CORIN: variants seen among roughly 807,000 people sequenced by gnomAD.
CORIN encodes corin, serine peptidase.
CORIN carries 117 observed loss-of-function variants against 125.3 expected under a neutral mutation model. That is an observed-to-expected ratio of 0.93 (90% CI 0.80 to 1.09). CORIN has a LOEUF of 1.09. Ranked by LOEUF, CORIN falls within the 50% of genes least tolerant of loss-of-function variation. The probability of loss-of-function intolerance (pLI) is 0.00; values close to 1 mark genes in which losing one functional copy is unlikely to be tolerated. For synonymous variants in CORIN, 450 were observed against 466.4 expected (o/e 0.96, Z 0.45); for missense variants, 1,253 against 1,306.7 (o/e 0.96, Z 0.63).
chr4:47,628,596 G>T (rs1722681881), intron 16 of CORIN, among the ~76,000 whole-genome samples: 1 of 151,986 alleles, frequency 6.6e-6, no homozygotes, highest in Non-Finnish European at 1.5e-5. Flanking sequence ...CCAAATCTTT[G>T]TACCCTTTGA....
chr4:47,619,650 TTTC>T (rs1481637837), intron 19 of CORIN, among the ~76,000 whole-genome samples: 1 of 152,196 alleles, frequency 6.6e-6, no homozygotes, highest in Non-Finnish European at 1.5e-5. Flanking sequence ...TAAGCACATA[TTTC>T]TTCTCTATTG....
chr4:47,774,537 A>T (rs1730202834), intron 3 of CORIN, among the ~76,000 whole-genome samples: 1 of 152,204 alleles, frequency 6.6e-6, no homozygotes, highest in South Asian at 2.1e-4. Context: ...AAATAAACTT[A>T]AAAATATGAC....
intron 19 of CORIN, among the ~76,000 whole-genome samples, chr4:47,604,519 G>A (rs1463026076): frequency 6.6e-6 from 1 of 152,190 alleles, no homozygotes; most frequent in Admixed American, 6.5e-5. Context: ...AACATTTATT[G>A]AGGGCTTACC....
At chr4:47,726,161 G>T (rs551190654) in intron 5 of CORIN, among the ~76,000 whole-genome samples, 1 of 152,044 alleles carries the variant, frequency 6.6e-6, no homozygotes, top group African/African-American at 2.4e-5. Context: ...TTATTGATGG[G>T]TATGCAAAAT....
chr4:47,603,664 C>G lies in CORIN; in HGVS notation c.2545G>C (p.Glu849Gln), dbSNP rs554963000. The G allele has an allele frequency of 4.6e-5, 74 of 1,612,466 alleles. No homozygotes were observed. Among genetic ancestry groups the G allele is most frequent in the Non-Finnish European group, 6.0e-5 (71 of 1,178,582 alleles). Reference sequence around the variant, plus strand: ...ACCACTTTCCAAACTGCAGCATTCTCTCTCCTAAAATTATAATTCAAGAGC... The same window carrying G: ...ACCACTTTCCAAACTGCAGCATTCTGTCTCCTAAAATTATAATTCAAGAGC... ...LTVAHCFEGR[E>Q]NAAVWKVVLG... is the part of the protein sequence containing the mutation. The change falls in exon 20 of 22, where the codon GAG becomes CAG. Residue 849 changes from glutamate (E) to glutamine (Q), a missense_variant. Glu to Gln is a conservative substitution (Grantham distance 29). Transcript: ENST00000273857.
intron 5 of CORIN, among the ~76,000 whole-genome samples, chr4:47,716,564 A>G (rs924043605): frequency 1.3e-5 from 2 of 152,220 alleles, no homozygotes; most frequent in African/African-American, 2.4e-5. Flanking sequence ...TTACATAGTA[A>G]AGGAAATTTT....
chr4:47,640,828 C>G (rs1468559482), intron 16 of CORIN, among the ~76,000 whole-genome samples: 1 of 151,982 alleles, frequency 6.6e-6, no homozygotes, highest in Non-Finnish European at 1.5e-5. Flanking sequence ...AAGGTTTTAT[C>G]GAGAAGAAAA....
At chr4:47,665,875 C>A (rs951495273) in intron 10 of CORIN, among the ~76,000 whole-genome samples, 1 of 152,174 alleles carries the variant, frequency 6.6e-6, no homozygotes, top group African/African-American at 2.4e-5. Context: ...AGCTTCATTG[C>A]CTGTGATTAT....
intron 8 of CORIN, among the ~76,000 whole-genome samples, chr4:47,679,264 A>G (rs1301297295): frequency 6.6e-6 from 1 of 152,232 alleles, no homozygotes; most frequent in Non-Finnish European, 1.5e-5. Flanking sequence ...AAAAGTGTTA[A>G]TAGCCATACT....
In CORIN at chr4:47,792,545, G is replaced by A. The variant is rs139830777; in HGVS notation, c.209-5620C>T. 6.8e-4 allele frequency among the ~76,000 whole-genome samples: 104 copies of A among 152,268 alleles called. No individual in the cohort carries two copies. In the East Asian group the frequency reaches 0.012, roughly 18 times the overall value. Reference sequence around the variant, plus strand: ...ATGAACATGAGAGAAAGGTCCCTTCGAGGTCTCTGGTTTGAATAATGTAGT... The same window carrying A: ...ATGAACATGAGAGAAAGGTCCCTTCAAGGTCTCTGGTTTGAATAATGTAGT... On this transcript the variant is annotated intron_variant, in intron 2 of 21. Transcript: ENST00000273857.
chr4:47,728,374 C>T lies in CORIN; in HGVS notation c.799+16028G>A, dbSNP rs141256032. Among the ~76,000 whole-genome samples, 166 of 152,032 alleles carry T rather than the reference C, an allele frequency of 1.1e-3. 1 individual carries two copies. Among genetic ancestry groups the T allele is most frequent in the African/African-American group, 3.7e-3 (152 of 41,460 alleles). Reference sequence around the variant, plus strand: ...TCCCAGGAATTTTGGGAAACAAATACGAAACTTAGAACTAAGCTAATATTT... The same window carrying T: ...TCCCAGGAATTTTGGGAAACAAATATGAAACTTAGAACTAAGCTAATATTT... On this transcript the variant is annotated intron_variant, in intron 5 of 21. Coordinates refer to ENST00000273857, the MANE Select transcript of CORIN (RefSeq NM_006587.4).
chr4:47,708,896 G>C (rs1486512591), intron 5 of CORIN, among the ~76,000 whole-genome samples: 3 of 152,222 alleles, frequency 2.0e-5, no homozygotes, highest in African/African-American at 4.8e-5. Flanking sequence ...ATGTTCAAAA[G>C]ACTGGGGAAT....
At chr4:47,653,025 C>CGTGGAA (rs1362113885) in intron 13 of CORIN, among the ~76,000 whole-genome samples, 1 of 152,082 alleles carries the variant, frequency 6.6e-6, no homozygotes, top group Non-Finnish European at 1.5e-5. Flanking sequence ...TTTCAGTTTC[C>CGTGGAA]ACAGTTTCAG....
chr4:47,737,765 G>C (rs2109826739), intron 5 of CORIN, among the ~76,000 whole-genome samples: 1 of 152,294 alleles, frequency 6.6e-6, no homozygotes, highest in East Asian at 1.9e-4. Context: ...CAGGTGATAA[G>C]ATATGGTTAT....
At position 47,783,810 on chromosome 4, in the gene CORIN, C is replaced by A. The variant is rs547120202; in HGVS notation, c.409+2915G>T. Reference sequence around the variant, plus strand: ...AATCATATATTAAAATTTAAAATGACTATAGTTCATTTATTTATTCATTCA... The same window carrying A: ...AATCATATATTAAAATTTAAAATGAATATAGTTCATTTATTTATTCATTCA... On this transcript the variant is annotated intron_variant, in intron 3 of 21. Coordinates refer to ENST00000273857, the MANE Select transcript of CORIN (RefSeq NM_006587.4). 9.9e-5 allele frequency among the ~76,000 whole-genome samples: 15 copies of A among 152,140 alleles called. 1 individual carries two copies. The highest frequency in any genetic ancestry group is 3.4e-4 in the African/African-American group (14 of 41,538).
At chr4:47,766,409 T>C (rs891494335) in intron 3 of CORIN, among the ~76,000 whole-genome samples, 2 of 152,100 alleles carry the variant, frequency 1.3e-5, no homozygotes, top group African/African-American at 4.8e-5. Context: ...ACACACACTC[T>C]TACTATTTCT....
intron 19 of CORIN, among the ~76,000 whole-genome samples, chr4:47,614,122 A>G (rs941110606): frequency 6.6e-6 from 1 of 152,214 alleles, no homozygotes; most frequent in Admixed American, 6.5e-5. Flanking sequence ...TGTAGCAGAT[A>G]ATTTAAATGT....
At chr4:47,779,087 G>C (rs1328060141) in intron 3 of CORIN, among the ~76,000 whole-genome samples, 1 of 152,102 alleles carries the variant, frequency 6.6e-6, no homozygotes, top group African/African-American at 2.4e-5. Context: ...AACAACTATA[G>C]AAAAAATTAG....
At chr4:47,817,217 C>T (rs950948060) in intron 1 of CORIN, among the ~76,000 whole-genome samples, 5 of 151,582 alleles carry the variant, frequency 3.3e-5, no homozygotes, top group Non-Finnish European at 7.4e-5. Flanking sequence ...CAACATCAAT[C>T]GAATATCAAT....
Sources: allele counts gnomAD v4.1 joint callset (sites outside exome capture counted in the v4.1 genomes callset), GRCh38; gene constraint gnomAD v4.1.1; transcripts MANE v1.5; gene names NCBI Gene and HGNC (gene_info 2026-07-23, HGNC 2026-07-21).